C4orf51: variants seen among roughly 807,000 people sequenced by gnomAD.
C4orf51 encodes the protein chromosome 4 open reading frame 51.
In C4orf51, 25 loss-of-function variants were observed where a neutral mutation model predicts 25.2. The ratio of observed to expected loss-of-function variants is 0.99; its 90% confidence interval spans 0.72 to 1.39. C4orf51 has a LOEUF of 1.39. C4orf51 is among the 40% of genes most tolerant of loss of function. The pLI is 0.00. For missense variants in C4orf51, 252 were observed against 239.6 expected (o/e 1.05, Z -0.34); for synonymous variants, 100 against 84.5 (o/e 1.18, Z -1.01).
chr4:145,748,212 T>A (rs1322244900), intron 1 of C4orf51, among the ~76,000 whole-genome samples: 1 of 152,152 alleles, frequency 6.6e-6, no homozygotes, highest in Non-Finnish European at 1.5e-5. Flanking sequence ...AGCCTTTGAA[T>A]TTCTGCAGTA....
chr4:145,745,590 A>C (rs1202734473), intron 1 of C4orf51, among the ~76,000 whole-genome samples: 1 of 152,172 alleles, frequency 6.6e-6, no homozygotes, highest in African/African-American at 2.4e-5. Flanking sequence ...TCCATTGTGT[A>C]TATTTACCAC....
chr4:145,720,302 G>C (rs1278878825), intron 2 of C4orf51, among the ~76,000 whole-genome samples: 1 of 152,166 alleles, frequency 6.6e-6, no homozygotes, highest in Non-Finnish European at 1.5e-5. Flanking sequence ...TCCCAGCAGA[G>C]GAAACTTCCC....
chr4:145,772,848 C>T (rs1736491257), downstream of C4orf51, among the ~76,000 whole-genome samples: 1 of 152,226 alleles, frequency 6.6e-6, no homozygotes, highest in Non-Finnish European at 1.5e-5. Flanking sequence ...AATCCTGCTA[C>T]ATCAGAGAGA....
intron 2 of C4orf51, among the ~76,000 whole-genome samples, chr4:145,711,791 C>T (rs1467106407): frequency 6.6e-6 from 1 of 152,084 alleles, no homozygotes; most frequent in Non-Finnish European, 1.5e-5. Flanking sequence ...GCTTAAGGTA[C>T]AGAAACACCT....
chr4:145,791,308 A>G, the C4orf51 span, among the ~76,000 whole-genome samples: 1 of 152,308 alleles, frequency 6.6e-6, no homozygotes, highest in Non-Finnish European at 1.5e-5. Flanking sequence ...TTATAGGGGC[A>G]CTAATCCTAG....
rs895680096 is a variant in C4orf51, at chr4:145,732,618, A to T, written c.*58A>T. On this transcript the variant is annotated 3_prime_UTR_variant, in exon 6 of 6. Transcript: ENST00000438731. ...GGAGTTTGCTTAATAAACAACTTTG[A>T]GGTATGGGGCCCTCCCAACACCCTC... The T allele has an allele frequency of 4.9e-6, 6 of 1,221,586 alleles. No individual in the cohort carries two copies. The highest frequency in any genetic ancestry group is 7.0e-6 in the Non-Finnish European group (6 of 851,372). 75.7% of individuals were successfully genotyped at this position (1,221,586 alleles called of 1,614,324 possible). A position where few individuals can be genotyped will look rare whatever the true frequency, so the allele number is the denominator to read the frequency against.
At chr4:145,736,877 T>TG (rs1466066394), downstream of C4orf51, among the ~76,000 whole-genome samples, 1 of 152,178 alleles carries the variant, frequency 6.6e-6, no homozygotes, top group Non-Finnish European at 1.5e-5. Context: ...TAGGCGCCTT[T>TG]GGGGAACCTA....
intron 1 of C4orf51, among the ~76,000 whole-genome samples, chr4:145,695,563 AG>A (rs1176297197): frequency 1.3e-5 from 2 of 152,060 alleles, no homozygotes; most frequent in African/African-American, 4.8e-5. Context: ...CCTCTTCTGT[AG>A]GTTGTCTGTT....
intron 1 of C4orf51, among the ~76,000 whole-genome samples, chr4:145,682,711 C>T (rs1050647249): frequency 4.6e-5 from 7 of 152,078 alleles, no homozygotes; most frequent in African/African-American, 1.4e-4. Context: ...AATTTATAAA[C>T]GTAATCAAAA....
At chr4:145,774,638 C>A (rs1560903799), downstream of C4orf51, 1 of 1,613,734 alleles carries the variant, frequency 6.2e-7, no homozygotes, top group Non-Finnish European at 8.5e-7. Context: ...ACAAACTGGA[C>A]ATTGAGCTCG....
chr4:145,717,924 A>C (rs1731504936), intron 2 of C4orf51, among the ~76,000 whole-genome samples: 1 of 152,234 alleles, frequency 6.6e-6, no homozygotes, highest in Non-Finnish European at 1.5e-5. Context: ...AATACAACAA[A>C]ATTTTAATTC....
downstream of C4orf51, among the ~76,000 whole-genome samples, chr4:145,773,014 G>A (rs1315154505): frequency 8.5e-5 from 13 of 152,162 alleles, no homozygotes; most frequent in Non-Finnish European, 2.9e-5. Context: ...GGGTGTGGAG[G>A]GGGCTTTGGA....
At chr4:145,773,711 C>T (rs1272410354), downstream of C4orf51, among the ~76,000 whole-genome samples, 2 of 152,174 alleles carry the variant, frequency 1.3e-5, no homozygotes, top group African/African-American at 4.8e-5. Context: ...AAATAACAGG[C>T]GAGCACTGGT....
chr4:145,784,413 G>C, the C4orf51 span, among the ~76,000 whole-genome samples: 1 of 152,082 alleles, frequency 6.6e-6, no homozygotes, highest in Non-Finnish European at 1.5e-5. Context: ...GTTCCTCTTG[G>C]TCTTAGGACT....
At chr4:145,716,791 TC>T (rs1731440164) in intron 2 of C4orf51, among the ~76,000 whole-genome samples, 1 of 152,182 alleles carries the variant, frequency 6.6e-6, no homozygotes, top group Non-Finnish European at 1.5e-5. Flanking sequence ...CTGTTAGCTT[TC>T]CTAGTAAAAT....
chr4:145,790,176 T>A, the C4orf51 span, among the ~76,000 whole-genome samples: 9 of 152,318 alleles, frequency 5.9e-5, no homozygotes, highest in South Asian at 1.9e-3. Context: ...TCAAAAGTTA[T>A]CTTCTATAAT....
intron 2 of C4orf51, among the ~76,000 whole-genome samples, chr4:145,725,566 A>G (rs1343529873): frequency 6.6e-6 from 1 of 151,778 alleles, no homozygotes; most frequent in Non-Finnish European, 1.5e-5. Context: ...AACAAAATCT[A>G]GTATATTCGT....
intron 1 of C4orf51, among the ~76,000 whole-genome samples, chr4:145,746,506 T>C (rs1169403697): frequency 6.6e-6 from 1 of 152,142 alleles, no homozygotes; most frequent in Non-Finnish European, 1.5e-5. Context: ...GGCACCTTTG[T>C]CAAAATGAGC....
At chr4:145,710,358 T>A (rs1731063796) in intron 2 of C4orf51, among the ~76,000 whole-genome samples, 1 of 152,222 alleles carries the variant, frequency 6.6e-6, no homozygotes. Flanking sequence ...GATGTGCAGC[T>A]TGACATTTTG....
Sources: gnomAD v4.1 joint callset for allele counts (sites outside exome capture counted in the v4.1 genomes callset) on GRCh38, gnomAD v4.1.1 for gene constraint, MANE v1.5 for transcripts, NCBI Gene and HGNC (gene_info 2026-07-23, HGNC 2026-07-21) for gene names.